VAV3: variants seen among roughly 807,000 people sequenced by gnomAD.
The protein encoded by VAV3 is vav guanine nucleotide exchange factor 3, also known as guanine nucleotide exchange factor VAV3.
Under a neutral mutation model 131.2 loss-of-function variants are expected in VAV3, and 94 were observed. The observed-to-expected ratio is 0.72, with a 90% CI of 0.61 to 0.85. The LOEUF (loss-of-function observed/expected upper bound fraction) is 0.85, where lower values mean the gene tolerates loss of function less well. Ranked by LOEUF, VAV3 falls within the 40% of genes least tolerant of loss-of-function variation. The probability of loss-of-function intolerance (pLI) is 0.00; values close to 1 mark genes in which losing one functional copy is unlikely to be tolerated. For missense variants in VAV3, 939 were observed against 1,002.7 expected (o/e 0.94, Z 0.86); for synonymous variants, 349 against 342.0 (o/e 1.02, Z -0.22).
At position 107,949,556 on chromosome 1, in the gene VAV3, C is replaced by A. The variant is rs11589789; in HGVS notation, c.204+15110G>T. On this transcript the variant is annotated intron_variant, in intron 1 of 26. Transcript: ENST00000370056. ...TCCTGGGCCCAAACAATCCTCCCACCTTAGCCTCCCAAAATGCTGGGATTA... is the reference window on the plus strand; with the variant it reads ...TCCTGGGCCCAAACAATCCTCCCACATTAGCCTCCCAAAATGCTGGGATTA... Among the ~76,000 whole-genome samples the A allele has an allele frequency of 1.1e-3, 169 of 152,276 alleles. 2 individuals are homozygous for A. Among genetic ancestry groups the A allele is most frequent in the African/African-American group, 3.8e-3 (157 of 41,552 alleles).
intron 20 of VAV3, among the ~76,000 whole-genome samples, chr1:107,638,351 G>A (rs1360175735): frequency 1.3e-5 from 2 of 152,032 alleles, no homozygotes; most frequent in African/African-American, 4.8e-5. Context: ...TAAAGAATAA[G>A]AGATCAACAT....
chr1:107,729,700 G>A lies in VAV3; in HGVS notation c.1502+19268C>T, dbSNP rs577969311. ...TAATTTTGTGATTATTTAACAAGAT[G>A]AGCATCCAAAGCATAGCATTGTGCT... On this transcript the variant is annotated intron_variant, in intron 15 of 26. Transcript: ENST00000370056. Among the ~76,000 whole-genome samples the A allele has an allele frequency of 9.2e-5, 14 of 152,278 alleles. No individual in the cohort carries two copies. In the East Asian group the frequency reaches 2.7e-3, roughly 29 times the overall value.
chr1:107,790,482 G>C (rs959400134), intron 2 of VAV3, among the ~76,000 whole-genome samples: 6 of 152,200 alleles, frequency 3.9e-5, no homozygotes, highest in African/African-American at 1.4e-4. Flanking sequence ...GGGTTACAGA[G>C]GAATGGCACA....
chr1:107,763,869 CT>C (rs1381300450), intron 9 of VAV3, among the ~76,000 whole-genome samples: 2 of 151,328 alleles, frequency 1.3e-5, no homozygotes, highest in African/African-American at 4.9e-5. Flanking sequence ...CCCTTCTCCC[CT>C]GACCTCAGTG....
chr1:107,572,710 GA>G lies in VAV3; in HGVS notation c.*620del, dbSNP rs1570536527. 1.3e-5 allele frequency: 2 copies of G among 152,724 alleles called. No individual in the cohort carries two copies. The highest frequency in any genetic ancestry group is 3.9e-4 in the East Asian group (2 of 5,184). The allele number at this position is 152,724 out of a possible 1,614,324, so 9.5% of individuals were successfully genotyped here. ...AAATAAGTAATTAAAACCCTTCAGG[GA>G]TAGCTCACTTATGATGCAAACCTGA... On this transcript the variant is annotated 3_prime_UTR_variant, in exon 27 of 27. Transcript: ENST00000370056.
intron 2 of VAV3, among the ~76,000 whole-genome samples, chr1:107,841,159 A>C (rs1340714111): frequency 1.3e-5 from 2 of 152,172 alleles, no homozygotes; most frequent in Non-Finnish European, 2.9e-5. Context: ...AAATTCATTC[A>C]TTCATACACT....
At chr1:107,709,609 C>T (rs1016416486) in intron 15 of VAV3, among the ~76,000 whole-genome samples, 5 of 152,122 alleles carry the variant, frequency 3.3e-5, no homozygotes, top group African/African-American at 1.2e-4. Context: ...TCTTGTAGTT[C>T]CAATAATCCC....
In VAV3 at chr1:107,749,493, T is replaced by C. The variant is rs749056634; in HGVS notation, c.1361A>G (p.Asn454Ser). The C allele has an allele frequency of 4.4e-6, 7 of 1,607,466 alleles. No individual in the cohort carries two copies. In the East Asian group the frequency reaches 1.1e-4, roughly 26 times the overall value. ...GTTTTCTTTATCGGTTGTAGGATTA[T>C]TGGCTATCTTGTACTGCTGAAGATC... ...IIDLQQYKIA[N>S]NPTTDKENKK... The change falls in exon 14 of 27, where the codon AAT becomes AGT. Residue 454 changes from asparagine (N) to serine (S), a missense_variant. By Grantham distance (46) the Asn-to-Ser change is conservative. Coordinates refer to ENST00000370056, the MANE Select transcript of VAV3 (RefSeq NM_006113.5).
chr1:107,823,734 G>C (rs1011379726), intron 2 of VAV3, among the ~76,000 whole-genome samples: 1 of 152,082 alleles, frequency 6.6e-6, no homozygotes, highest in African/African-American at 2.4e-5. Context: ...AAGTAATGAA[G>C]GTTAAATGAG....
intron 1 of VAV3, among the ~76,000 whole-genome samples, chr1:107,921,185 G>T (rs918641292): frequency 6.6e-6 from 1 of 152,036 alleles, no homozygotes; most frequent in Non-Finnish European, 1.5e-5. Flanking sequence ...CTCTCTCATC[G>T]CTTGCTGCAG....
At chr1:107,617,725 C>T (rs1440515416) in intron 20 of VAV3, 93 bp from the exon 21 acceptor site, 2 of 1,058,174 alleles carry the variant, frequency 1.9e-6, no homozygotes, top group Admixed American at 4.0e-5. Context: ...TACTTAGGAT[C>T]CTTAGAATTC....
chr1:107,780,019 T>C (rs1665604345), intron 2 of VAV3, among the ~76,000 whole-genome samples: 1 of 152,218 alleles, frequency 6.6e-6, no homozygotes, highest in South Asian at 2.1e-4. Flanking sequence ...AAAGTTCTAT[T>C]GGACAGTCCT....
chr1:107,590,839 T>C (rs1650892342), intron 25 of VAV3, among the ~76,000 whole-genome samples: 1 of 152,162 alleles, frequency 6.6e-6, no homozygotes, highest in Admixed American at 6.6e-5. Flanking sequence ...AGCATGCTTA[T>C]CCCTCTCACG....
Position 107,709,877 on chromosome 1 carries a change from T to A in VAV3, c.1503-4816A>T, listed in dbSNP as rs1350719286. On this transcript the variant is annotated intron_variant, in intron 15 of 26. Transcript: ENST00000370056. ...CTGTGAGTCAATTAAATCTCTTTTT[T>A]AAATAAATTACCCAGTCTCAGGTAT... is the stretch of plus-strand genomic sequence containing the variant. Among the ~76,000 whole-genome samples, 9 of 152,204 alleles carry A rather than the reference T, an allele frequency of 5.9e-5. 1 individual carries two copies. The highest frequency in any genetic ancestry group is 5.9e-5 in the Non-Finnish European group (4 of 68,028).
At chr1:107,669,744 T>G (rs781042231) in intron 19 of VAV3, among the ~76,000 whole-genome samples, 1 of 152,176 alleles carries the variant, frequency 6.6e-6, no homozygotes, top group Non-Finnish European at 1.5e-5. Context: ...GTATTACTCA[T>G]GAATTTTAAA....
intron 2 of VAV3, among the ~76,000 whole-genome samples, chr1:107,786,854 A>G (rs1427735686): frequency 6.6e-6 from 1 of 152,204 alleles, no homozygotes; most frequent in Non-Finnish European, 1.5e-5. Context: ...CCCAGGCCCC[A>G]CAACTCTATC....
intron 19 of VAV3, among the ~76,000 whole-genome samples, chr1:107,674,390 A>G (rs557589224): frequency 6.6e-5 from 10 of 152,152 alleles, no homozygotes; most frequent in Admixed American, 3.3e-4. Flanking sequence ...TACTGTAGCA[A>G]TTTCAGATTA....
At chr1:107,723,955 A>T (rs530674736) in intron 15 of VAV3, among the ~76,000 whole-genome samples, 1 of 152,152 alleles carries the variant, frequency 6.6e-6, no homozygotes, top group East Asian at 1.9e-4. Context: ...GGTAGCTATT[A>T]TGTCTCCATT....
At chr1:107,839,381 GCTAGAAAATGTCTAGATAT>G (rs1341668996) in intron 2 of VAV3, among the ~76,000 whole-genome samples, 1 of 152,054 alleles carries the variant, frequency 6.6e-6, no homozygotes, top group East Asian at 1.9e-4. Flanking sequence ...CAGAAAGATA[GCTAGAAAATGTCTAGATAT>G]CTGTTAATTA....
Sources: allele counts gnomAD v4.1 joint callset (sites outside exome capture counted in the v4.1 genomes callset), GRCh38; gene constraint gnomAD v4.1.1; transcripts MANE v1.5; gene names NCBI Gene and HGNC (gene_info 2026-07-23, HGNC 2026-07-21).